PLCE1: variants seen among roughly 807,000 people sequenced by gnomAD.
PLCE1 encodes phospholipase C epsilon 1.
A neutral mutation model predicts 242.8 loss-of-function variants in PLCE1; 119 were observed. The observed-to-expected ratio is 0.49, with a 90% CI of 0.42 to 0.57. PLCE1 has a LOEUF of 0.57. Ranked by LOEUF, PLCE1 falls within the 20% of genes least tolerant of loss-of-function variation. PLCE1 has a pLI of 0.00. For missense variants in PLCE1, 2,441 were observed against 2,788.8 expected (o/e 0.88, Z 2.81); for synonymous variants, 945 against 1,017.4 (o/e 0.93, Z 1.35).
rs529155026 is a variant in PLCE1, at chr10:94,293,714, C to T, written c.5167+75C>T. The T allele has an allele frequency of 3.3e-6, 5 of 1,508,446 alleles. No homozygotes were observed. The African/African-American group carries it at 6.9e-5, about 21-fold the overall frequency. 93.4% of individuals were successfully genotyped at this position (1,508,446 alleles called of 1,614,324 possible). On this transcript the variant is annotated intron_variant, in intron 23 of 32. Coordinates refer to ENST00000371380, the MANE Select transcript of PLCE1 (RefSeq NM_016341.4). ...ATTTAGATATTTTACTGTCTAAGCA[C>T]TTCCCTTGAATTTTTTAATTCTTTT...
intron 3 of PLCE1, among the ~76,000 whole-genome samples, chr10:94,151,272 G>A (rs2136113236): frequency 6.6e-6 from 1 of 152,248 alleles, no homozygotes. Context: ...ACTCCCCTTG[G>A]TCTTTCACAG....
chr10:94,029,101 G>T (rs1009994167), intron 1 of PLCE1, among the ~76,000 whole-genome samples: 4 of 151,902 alleles, frequency 2.6e-5, no homozygotes, highest in African/African-American at 9.7e-5. Context: ...TCAAAATTAT[G>T]ATGATGATGA....
intron 3 of PLCE1, among the ~76,000 whole-genome samples, chr10:94,150,509 A>G (rs1399311749): frequency 3.9e-5 from 6 of 152,196 alleles, no homozygotes; most frequent in Non-Finnish European, 8.8e-5. Context: ...GGCACACCAA[A>G]GTATTTGTTC....
At chr10:94,098,525 G>A (rs753211840) in intron 2 of PLCE1, among the ~76,000 whole-genome samples, 17 of 152,264 alleles carry the variant, frequency 1.1e-4, no homozygotes, top group Middle Eastern at 6.8e-3. Context: ...TTAATGACAA[G>A]CCTATATTCA....
At chr10:94,101,351 C>T (rs770848960) in intron 2 of PLCE1, among the ~76,000 whole-genome samples, 3 of 152,074 alleles carry the variant, frequency 2.0e-5, no homozygotes, top group South Asian at 2.1e-4. Flanking sequence ...TAAAGTAATA[C>T]TGAAAACAGA....
chr10:94,322,798 G>A (rs2053867931), intron 30 of PLCE1, among the ~76,000 whole-genome samples: 1 of 149,432 alleles, frequency 6.7e-6, no homozygotes, highest in Admixed American at 6.7e-5. Flanking sequence ...AAAAAAAAAA[G>A]TACAAAAATT....
chr10:94,311,980 T>C (rs1589521239), intron 27 of PLCE1, among the ~76,000 whole-genome samples: 5 of 152,168 alleles, frequency 3.3e-5, no homozygotes, highest in Admixed American at 3.3e-4. Flanking sequence ...ATGGGTCATT[T>C]AGAGGGGCAG....
chr10:94,253,505 C>T lies in PLCE1; in HGVS notation c.3280-685C>T, dbSNP rs148551178. Among the ~76,000 whole-genome samples the T allele has an allele frequency of 5.0e-3, 759 of 152,238 alleles. 4 individuals carry two copies. Among genetic ancestry groups the T allele is most frequent in the African/African-American group, 0.013 (560 of 41,540 alleles). On this transcript the variant is annotated intron_variant, in intron 9 of 32. Transcript: ENST00000371380. ...AGTATCTGGGACCACAGGTGTACAC[C>T]ACCATGCCTGGCTAATTTTTTTTAT... is the stretch of plus-strand genomic sequence containing the variant.
At chr10:94,122,535 G>A (rs1227549942) in intron 2 of PLCE1, among the ~76,000 whole-genome samples, 1 of 152,200 alleles carries the variant, frequency 6.6e-6, no homozygotes, top group Non-Finnish European at 1.5e-5. Context: ...CAGCCATGGG[G>A]AATGTCTGCA....
At chr10:94,302,532 AAT>A (rs1466900567) in intron 24 of PLCE1, among the ~76,000 whole-genome samples, 1 of 152,158 alleles carries the variant, frequency 6.6e-6, no homozygotes, top group African/African-American at 2.4e-5. Context: ...ACAAAAAAAA[AAT>A]AGTTACCATT....
At chr10:94,062,641 C>T (rs1343252758) in intron 2 of PLCE1, among the ~76,000 whole-genome samples, 1 of 148,736 alleles carries the variant, frequency 6.7e-6, no homozygotes. Context: ...TGCAATTAGC[C>T]CTCAAGCAGA....
At chr10:94,179,521 T>TG (rs67919831) in intron 4 of PLCE1, among the ~76,000 whole-genome samples, 1,168 of 84,558 alleles carry the variant, frequency 0.014, 27 homozygotes, top group Middle Eastern at 0.079. Flanking sequence ...AGTTTTTTTT[T>TG]TTTTTTTTTG....
In PLCE1 at chr10:94,171,537, C is replaced by T. The variant is rs546040523; in HGVS notation, c.1809+41C>T. On this transcript the variant is annotated intron_variant, in intron 4 of 32. Coordinates refer to ENST00000371380, the MANE Select transcript of PLCE1 (RefSeq NM_016341.4). ...TTGATGTCTTGGTATTTGACTCACCCGTAAGTGATTTTCAAGCATACCTCC... is the reference window on the plus strand; with the variant it reads ...TTGATGTCTTGGTATTTGACTCACCTGTAAGTGATTTTCAAGCATACCTCC... 1.3e-5 allele frequency: 19 copies of T among 1,496,304 alleles called. No individual in the cohort carries two copies. The African/African-American group carries it at 1.5e-4, about 12-fold the overall frequency. 92.7% of individuals were successfully genotyped at this position (1,496,304 alleles called of 1,614,324 possible). A position where few individuals can be genotyped will look rare whatever the true frequency, so the allele number is the denominator to read the frequency against.
At chr10:94,245,322 G>A (rs921136979) in intron 7 of PLCE1, among the ~76,000 whole-genome samples, 24 of 152,144 alleles carry the variant, frequency 1.6e-4, no homozygotes, top group African/African-American at 5.3e-4. Flanking sequence ...TGTACATAAA[G>A]TATTTAACAC....
intron 2 of PLCE1, chr10:94,096,485 G>A (rs2045316052): frequency 6.6e-6 from 1 of 152,114 alleles, no homozygotes; most frequent in South Asian, 2.1e-4. Flanking sequence ...AGAAAAAGGG[G>A]GAAAAGCCCT....
chr10:94,162,156 T>A (rs745603234), intron 3 of PLCE1, among the ~76,000 whole-genome samples: 1 of 152,238 alleles, frequency 6.6e-6, no homozygotes, highest in Non-Finnish European at 1.5e-5. Flanking sequence ...GGTATCAGGA[T>A]GATGCTGGTC....
intron 22 of PLCE1, among the ~76,000 whole-genome samples, chr10:94,292,556 G>A (rs2052677792): frequency 6.6e-6 from 1 of 152,188 alleles, no homozygotes; most frequent in African/African-American, 2.4e-5. Context: ...TTACAGATGA[G>A]GAGGGAGTGT....
rs542661826 is a variant in PLCE1 at position 94,054,088 on chromosome 10, A to G, written c.1206+21836A>G. Among the ~76,000 whole-genome samples the G allele has an allele frequency of 2.0e-5, 3 of 152,268 alleles. No homozygotes were observed. In the South Asian group the frequency reaches 6.2e-4, roughly 32 times the overall value. On this transcript the variant is annotated intron_variant, in intron 2 of 32. Coordinates refer to ENST00000371380, the MANE Select transcript of PLCE1 (RefSeq NM_016341.4). ...AGGAAGTGAGTCTTCCTTATGGTCT[A>G]GTGGGGCCTTCCTTCTGTCACGGCA... is the stretch of plus-strand genomic sequence containing the variant.
At chr10:94,140,249 A>T (rs954388266) in intron 3 of PLCE1, among the ~76,000 whole-genome samples, 14 of 152,084 alleles carry the variant, frequency 9.2e-5, no homozygotes, top group African/African-American at 3.4e-4. Flanking sequence ...GTTTGAAAAG[A>T]GGGAATATTT....
Sources: gnomAD v4.1 joint callset for allele counts (sites outside exome capture counted in the v4.1 genomes callset) on GRCh38, gnomAD v4.1.1 for gene constraint, MANE v1.5 for transcripts, NCBI Gene and HGNC (gene_info 2026-07-23, HGNC 2026-07-21) for gene names.